Variants in HDAC4 observed in about 807,000 individuals in gnomAD.
The protein encoded by HDAC4 is histone deacetylase A.
In HDAC4, 16 loss-of-function variants were observed where a neutral mutation model predicts 135.1. The observed-to-expected ratio is 0.12, with a 90% CI of 0.08 to 0.18. The LOEUF (loss-of-function observed/expected upper bound fraction) is 0.18, where lower values mean the gene tolerates loss of function less well. Ranked by LOEUF, HDAC4 falls within the 10% of genes least tolerant of loss-of-function variation. The pLI is 1.00. For synonymous variants in HDAC4, 685 were observed against 653.4 expected (o/e 1.05, Z -0.74); for missense variants, 1,143 against 1,511.8 (o/e 0.76, Z 4.05).
At chr2:239,382,729 CT>C (rs746593835) in intron 1 of HDAC4, among the ~76,000 whole-genome samples, 493 of 144,402 alleles carry the variant, frequency 3.4e-3, no homozygotes, top group Middle Eastern at 3.6e-3. Context: ...CTTTCTTTTT[CT>C]TTTTTTTTTT....
chr2:239,116,068 G>T (rs895723917), intron 12 of HDAC4, among the ~76,000 whole-genome samples: 2 of 152,116 alleles, frequency 1.3e-5, no homozygotes, highest in African/African-American at 4.8e-5. Flanking sequence ...ACGCTTCTCG[G>T]TCTCCCTCCC....
chr2:239,252,901 T>G (rs898163082), intron 2 of HDAC4, among the ~76,000 whole-genome samples: 1 of 152,362 alleles, frequency 6.6e-6, no homozygotes, highest in Non-Finnish European at 1.5e-5. Flanking sequence ...AGACCCAGCC[T>G]GTTCTCCGCC....
chr2:239,235,587 T>C (rs2047841165), intron 3 of HDAC4, among the ~76,000 whole-genome samples: 2 of 152,102 alleles, frequency 1.3e-5, no homozygotes, highest in Non-Finnish European at 2.9e-5. Flanking sequence ...CATCAGGAGG[T>C]TCAGGTTTTA....
chr2:239,335,203 CTAGAA>C (rs1691850579), intron 2 of HDAC4, among the ~76,000 whole-genome samples: 1 of 152,026 alleles, frequency 6.6e-6, no homozygotes, highest in South Asian at 2.1e-4. Context: ...GACCAATGAA[CTAGAA>C]TAAAGTGCAA....
chr2:239,372,584 C>T (rs2126012760), intron 1 of HDAC4, among the ~76,000 whole-genome samples: 2 of 152,364 alleles, frequency 1.3e-5, no homozygotes. Context: ...TACATCCCGG[C>T]CTCCCGGTAC....
intron 3 of HDAC4, among the ~76,000 whole-genome samples, chr2:239,207,298 G>A (rs916975479): frequency 1.3e-5 from 2 of 151,976 alleles, no homozygotes; most frequent in Non-Finnish European, 1.5e-5. Flanking sequence ...ATAATAATAC[G>A]AACTGAAAGA....
At chr2:239,197,014 C>T (rs371516573) in intron 3 of HDAC4, among the ~76,000 whole-genome samples, 9 of 152,196 alleles carry the variant, frequency 5.9e-5, no homozygotes, top group African/African-American at 1.4e-4. Flanking sequence ...GGTCCAACTC[C>T]TCCAGGGGAT....
At chr2:239,160,755 C>G (rs1287719979) in intron 6 of HDAC4, among the ~76,000 whole-genome samples, 5 of 152,266 alleles carry the variant, frequency 3.3e-5, no homozygotes, top group African/African-American at 9.6e-5. Flanking sequence ...GTTGTTTCCA[C>G]TGTTTGGTGA....
intron 1 of HDAC4, among the ~76,000 whole-genome samples, chr2:239,380,064 G>A (rs1380723987): frequency 1.3e-5 from 2 of 152,234 alleles, no homozygotes; most frequent in Admixed American, 6.5e-5. Flanking sequence ...CGAAAAAGGG[G>A]ATGAGACCTG....
chr2:239,112,585 C>T (rs2038776876), intron 13 of HDAC4, among the ~76,000 whole-genome samples: 1 of 152,128 alleles, frequency 6.6e-6, no homozygotes, highest in Non-Finnish European at 1.5e-5. Context: ...GGGCCTGGGA[C>T]ACCCTGAGGG....
chr2:239,263,980 A>G (rs2125131961), intron 2 of HDAC4, among the ~76,000 whole-genome samples: 1 of 152,044 alleles, frequency 6.6e-6, no homozygotes. Flanking sequence ...CACCTCTGAG[A>G]GCCAGTGGCT....
rs1213638739 is a variant in HDAC4 at position 239,308,502 on chromosome 2, A to G, written c.22+44176T>C. ...CTGAAAGATCAGCTACCAAAGGAAAATAACAATAATGAAGATATCGTTGGT... is the reference window on the plus strand; with the variant it reads ...CTGAAAGATCAGCTACCAAAGGAAAGTAACAATAATGAAGATATCGTTGGT... On this transcript the variant is annotated intron_variant, in intron 2 of 26. Coordinates refer to ENST00000543185, the MANE Select transcript of HDAC4 (RefSeq NM_001378414.1). This position sits in a 1 kb window ranked among gnomAD's most constrained non-coding sequence, Gnocchi z 4.2. 1.3e-5 allele frequency among the ~76,000 whole-genome samples: 2 copies of G among 152,330 alleles called. No individual in the cohort carries two copies. The highest frequency in any genetic ancestry group is 1.9e-4 in the East Asian group (1 of 5,184).
At chr2:239,202,495 C>T (rs1049211334) in intron 3 of HDAC4, among the ~76,000 whole-genome samples, 4 of 152,122 alleles carry the variant, frequency 2.6e-5, no homozygotes, top group Non-Finnish European at 4.4e-5. Flanking sequence ...CTCCATCTAT[C>T]GGGGCGACAG....
intron 18 of HDAC4, among the ~76,000 whole-genome samples, chr2:239,088,569 G>A (rs182489351): frequency 1.3e-5 from 2 of 152,210 alleles, no homozygotes; most frequent in African/African-American, 4.8e-5. Flanking sequence ...TGACACCTGC[G>A]CCGATGGTGC....
intron 3 of HDAC4, among the ~76,000 whole-genome samples, chr2:239,224,518 G>A (rs568757673): frequency 1.1e-3 from 160 of 148,594 alleles, no homozygotes; most frequent in African/African-American, 3.9e-3. Context: ...GCAAATGTCT[G>A]CTCACCTTCT....
At chr2:239,323,400 T>C (rs1463863603) in intron 2 of HDAC4, among the ~76,000 whole-genome samples, 1 of 152,224 alleles carries the variant, frequency 6.6e-6, no homozygotes, top group East Asian at 1.9e-4. Flanking sequence ...TCTTTCATCT[T>C]TCAGCATTGT....
chr2:239,355,669 G>T (rs962193945), intron 1 of HDAC4, among the ~76,000 whole-genome samples: 2 of 152,036 alleles, frequency 1.3e-5, no homozygotes, highest in Non-Finnish European at 2.9e-5. Context: ...ATACATTCTG[G>T]GATACCCTTT....
Position 239,092,464 on chromosome 2 carries a change from T to G in HDAC4, c.2281-2348A>C, listed in dbSNP as rs534463654. ...GGCCAACACTGCAGGGAGCGGAGGGTGTACTACACCCGTGTTCTGAAGGGT... is the reference window on the plus strand; with the variant it reads ...GGCCAACACTGCAGGGAGCGGAGGGGGTACTACACCCGTGTTCTGAAGGGT... On this transcript the variant is annotated intron_variant, in intron 17 of 26. Transcript: ENST00000543185. Among the ~76,000 whole-genome samples the G allele has an allele frequency of 2.6e-5, 4 of 151,836 alleles. No homozygotes were observed. In the South Asian group the frequency reaches 6.2e-4, roughly 24 times the overall value.
chr2:239,148,583 C>G (rs570813627), intron 7 of HDAC4, among the ~76,000 whole-genome samples: 28 of 152,312 alleles, frequency 1.8e-4, no homozygotes, highest in African/African-American at 6.5e-4. Flanking sequence ...ACCTGAAAAC[C>G]CTGCAGGAAA....
Sources: allele counts gnomAD v4.1 joint callset (sites outside exome capture counted in the v4.1 genomes callset), GRCh38; gene constraint gnomAD v4.1.1; non-coding constraint Gnocchi (gnomAD v3.1); transcripts MANE v1.5; gene names NCBI Gene and HGNC (gene_info 2026-07-23, HGNC 2026-07-21).